MTHFD1L: variants seen among roughly 807,000 people sequenced by gnomAD.
The protein encoded by MTHFD1L is monofunctional C1-tetrahydrofolate synthase, mitochondrial.
Under a neutral mutation model 119.5 loss-of-function variants are expected in MTHFD1L, and 81 were observed. The observed-to-expected ratio is 0.68, with a 90% CI of 0.57 to 0.82. The LOEUF (loss-of-function observed/expected upper bound fraction) is 0.82. MTHFD1L is among the 40% of genes least tolerant of loss of function. The pLI, the probability that MTHFD1L is intolerant of heterozygous loss-of-function variation, is 0.00. For missense variants in MTHFD1L, 1,125 were observed against 1,253.4 expected (o/e 0.90, Z 1.55); for synonymous variants, 430 against 475.2 (o/e 0.90, Z 1.24).
At chr6:150,956,145 G>A (rs1266170763) in intron 17 of MTHFD1L, 74 bp downstream of exon 17, 1 of 1,463,396 alleles carries the variant, frequency 6.8e-7, no homozygotes, top group African/African-American at 1.4e-5. Context: ...CTCACTCTTT[G>A]CCTTTCTTGT....
intron 15 of MTHFD1L, among the ~76,000 whole-genome samples, chr6:150,946,280 G>A (rs550715486): frequency 6.6e-6 from 1 of 152,284 alleles, no homozygotes; most frequent in East Asian, 1.9e-4. Context: ...CTCCCAAGTA[G>A]CTGTGATTAC....
chr6:150,899,791 G>A (rs1181473745), intron 7 of MTHFD1L, among the ~76,000 whole-genome samples: 1 of 151,838 alleles, frequency 6.6e-6, no homozygotes, highest in South Asian at 2.1e-4. Flanking sequence ...GACCAACATG[G>A]GGAAACTCCA....
At chr6:151,084,831 G>C (rs902718313) in intron 26 of MTHFD1L, among the ~76,000 whole-genome samples, 4 of 151,406 alleles carry the variant, frequency 2.6e-5, no homozygotes, top group Non-Finnish European at 5.9e-5. Context: ...GCCAGGCGTG[G>C]TGGCGGGTGC....
At chr6:151,021,465 T>G (rs1019974571) in intron 24 of MTHFD1L, among the ~76,000 whole-genome samples, 1 of 152,140 alleles carries the variant, frequency 6.6e-6, no homozygotes, top group African/African-American at 2.4e-5. Flanking sequence ...GGAGAATCGC[T>G]TGAACCTGGG....
In MTHFD1L at chr6:151,044,843, ACC is replaced by A. The variant is rs1314222146; in HGVS notation, c.2847+7728_2847+7729del. ...GCGTGTTTGGGGCATCAGTGATGTC[ACC>A]CGCTACAAATGCTGGGTGGGGTTAC... On this transcript the variant is annotated intron_variant, in intron 26 of 27. Coordinates refer to ENST00000367321, the MANE Select transcript of MTHFD1L (RefSeq NM_015440.5). Among the ~76,000 whole-genome samples the A allele has an allele frequency of 2.6e-5, 4 of 152,224 alleles. No homozygotes were observed. The East Asian group carries it at 7.7e-4, about 29-fold the overall frequency.
At chr6:150,915,324 A>G (rs1787669664) in intron 8 of MTHFD1L, among the ~76,000 whole-genome samples, 1 of 152,140 alleles carries the variant, frequency 6.6e-6, no homozygotes, top group South Asian at 2.1e-4. Context: ...ATGGCCCAAG[A>G]CAATTCTTCT....
intron 11 of MTHFD1L, among the ~76,000 whole-genome samples, chr6:150,928,546 G>T (rs1583609812): frequency 7.0e-6 from 1 of 142,132 alleles, no homozygotes; most frequent in Non-Finnish European, 1.5e-5. Context: ...CCTTCTCTTT[G>T]TGTAGCTTTT....
At chr6:151,059,418 C>A (rs1281400870) in intron 26 of MTHFD1L, among the ~76,000 whole-genome samples, 1 of 151,510 alleles carries the variant, frequency 6.6e-6, no homozygotes, top group Non-Finnish European at 1.5e-5. Flanking sequence ...CTCAGGTGAT[C>A]CGCTCACCTC....
chr6:150,882,512 T>C (rs1408699146), intron 4 of MTHFD1L, among the ~76,000 whole-genome samples: 1 of 152,162 alleles, frequency 6.6e-6, no homozygotes, highest in African/African-American at 2.4e-5. Flanking sequence ...AGTAGAGCCA[T>C]AGAAAGGCAG....
In MTHFD1L at chr6:151,039,184, C is replaced by T. The variant is rs1354886871; in HGVS notation, c.2847+2067C>T. 1.3e-5 allele frequency among the ~76,000 whole-genome samples: 2 copies of T among 152,028 alleles called. No homozygotes were observed. The highest frequency in any genetic ancestry group is 6.6e-5 in the Admixed American group (1 of 15,260). On this transcript the variant is annotated intron_variant, in intron 26 of 27. Transcript: ENST00000367321. The surrounding 1 kb of genome is among the most constrained non-coding windows in gnomAD (Gnocchi z 4.4). ...CCAGGAGGCGGGAAGGAAGGAGCAG[C>T]GGCATGGCAGAGAACGTCCAGAAAA... is the stretch of plus-strand genomic sequence containing the variant.
chr6:150,969,139 G>A (rs557680655), intron 19 of MTHFD1L, among the ~76,000 whole-genome samples: 5 of 149,146 alleles, frequency 3.4e-5, no homozygotes, highest in East Asian at 3.9e-4. Flanking sequence ...GGGCCACCAC[G>A]CCCAGCAAAT....
In MTHFD1L at chr6:151,090,002, G is replaced by A. The variant is rs547177258; in HGVS notation, c.2848-2465G>A. ...ATTTTCCCATAGGCGTGTTATGAACGGCAGCTGTATTCCAGGCAGCTGTGG... is the reference window on the plus strand; with the variant it reads ...ATTTTCCCATAGGCGTGTTATGAACAGCAGCTGTATTCCAGGCAGCTGTGG... On this transcript the variant is annotated intron_variant, in intron 26 of 27. Coordinates refer to ENST00000367321, the MANE Select transcript of MTHFD1L (RefSeq NM_015440.5). Among the ~76,000 whole-genome samples the A allele has an allele frequency of 1.7e-4, 26 of 152,326 alleles. 1 individual carries two copies. The South Asian group carries it at 2.1e-3, about 12-fold the overall frequency.
chr6:150,880,448 T>TA (rs1781220813), intron 4 of MTHFD1L, among the ~76,000 whole-genome samples: 1 of 152,244 alleles, frequency 6.6e-6, no homozygotes, highest in South Asian at 2.1e-4. Flanking sequence ...CATTCCTTTT[T>TA]ATGGTTGAAT....
rs117472220 is a variant in MTHFD1L, at chr6:151,101,350, C to T, written c.*32-176C>T. ...GAGTGGTGCAGACTCTGCTTCTCCA[C>T]GTCTGCTAAGTAAAATATTCCAAAC... On this transcript the variant is annotated intron_variant, in intron 27 of 27. Coordinates refer to ENST00000367321, the MANE Select transcript of MTHFD1L (RefSeq NM_015440.5). Among the ~76,000 whole-genome samples the T allele has an allele frequency of 6.7e-4, 102 of 152,212 alleles. 1 individual carries two copies. The highest frequency in any genetic ancestry group is 9.7e-4 in the Non-Finnish European group (66 of 68,006).
At chr6:150,948,482 G>A (rs749265207) in intron 15 of MTHFD1L, among the ~76,000 whole-genome samples, 1 of 151,208 alleles carries the variant, frequency 6.6e-6, no homozygotes, top group Non-Finnish European at 1.5e-5. Flanking sequence ...ACCATACCTG[G>A]CTAATTTTTT....
chr6:150,901,035 A>G (rs926074835), intron 7 of MTHFD1L, among the ~76,000 whole-genome samples: 1 of 151,954 alleles, frequency 6.6e-6, no homozygotes, highest in African/African-American at 2.4e-5. Flanking sequence ...AGAAAAGAAA[A>G]GAAAAAGTGC....
At chr6:151,041,729 C>T (rs772196311) in intron 26 of MTHFD1L, 11 of 500,572 alleles carry the variant, frequency 2.2e-5, no homozygotes, top group African/African-American at 8.1e-5. Context: ...CAGAATGCGG[C>T]GGGCTTTATA....
At chr6:150,932,554 A>T (rs1791243932) in intron 11 of MTHFD1L, among the ~76,000 whole-genome samples, 1 of 151,808 alleles carries the variant, frequency 6.6e-6, no homozygotes, top group Non-Finnish European at 1.5e-5. Context: ...GGCGGATCAC[A>T]AGGTCAGGAG....
At chr6:151,096,863 A>T (rs182228025) in intron 27 of MTHFD1L, among the ~76,000 whole-genome samples, 1 of 152,330 alleles carries the variant, frequency 6.6e-6, no homozygotes, top group African/African-American at 2.4e-5. Context: ...TGAACATTAT[A>T]TGCCAAAAAA....
Sources: gnomAD v4.1 joint callset for allele counts (sites outside exome capture counted in the v4.1 genomes callset) on GRCh38, gnomAD v4.1.1 for gene constraint, Gnocchi (gnomAD v3.1) non-coding constraint, MANE v1.5 for transcripts, NCBI Gene and HGNC (gene_info 2026-07-23, HGNC 2026-07-21) for gene names.